Variants in PCDH9 observed in about 807,000 individuals in gnomAD.
PCDH9 encodes the protein protocadherin-9.
PCDH9 carries 24 observed loss-of-function variants against 70.6 expected under a neutral mutation model. That is an observed-to-expected ratio of 0.34 (90% CI 0.25 to 0.48). The LOEUF (loss-of-function observed/expected upper bound fraction) is 0.48, where lower values mean the gene tolerates loss of function less well. Ranked by LOEUF, PCDH9 falls within the 20% of genes least tolerant of loss-of-function variation. The pLI is 0.99. For synonymous variants in PCDH9, 562 were observed against 558.5 expected (o/e 1.01, Z -0.09); for missense variants, 1,281 against 1,503.6 (o/e 0.85, Z 2.45).
At chr13:66,638,355 T>C (rs2077666584) in intron 3 of PCDH9, among the ~76,000 whole-genome samples, 1 of 152,152 alleles carries the variant, frequency 6.6e-6, no homozygotes, top group African/African-American at 2.4e-5. Flanking sequence ...TTCACTGTAT[T>C]AATCAGTAGA....
intron 3 of PCDH9, among the ~76,000 whole-genome samples, chr13:66,670,357 A>G (rs2078156527): frequency 1.3e-5 from 2 of 152,180 alleles, no homozygotes; most frequent in Admixed American, 6.5e-5. Flanking sequence ...ACTAATATCA[A>G]TGAGATATCC....
intron 3 of PCDH9, among the ~76,000 whole-genome samples, chr13:66,684,174 C>G (rs182640369): frequency 3.9e-4 from 60 of 152,258 alleles, no homozygotes; most frequent in African/African-American, 1.3e-3. Flanking sequence ...AAATAAATGA[C>G]AGTTTAGTCT....
At chr13:67,133,957 A>G (rs754174462) in intron 2 of PCDH9, among the ~76,000 whole-genome samples, 1 of 152,144 alleles carries the variant, frequency 6.6e-6, no homozygotes, top group Admixed American at 6.6e-5. Flanking sequence ...TTAAAAACAT[A>G]GAACTGAAAG....
chr13:66,429,428 C>CTG (rs1555292583), intron 4 of PCDH9, among the ~76,000 whole-genome samples: 2 of 12,696 alleles, frequency 1.6e-4, no homozygotes, highest in Non-Finnish European at 4.8e-4. Flanking sequence ...GTTATTTTTT[C>CTG]TGTTTTTTTT....
intron 4 of PCDH9, among the ~76,000 whole-genome samples, chr13:66,344,232 T>C (rs1205590192): frequency 6.6e-6 from 1 of 152,104 alleles, no homozygotes; most frequent in Non-Finnish European, 1.5e-5. Flanking sequence ...AACCTCCGCC[T>C]CCCAGGTTCA....
In PCDH9 at chr13:66,943,259, C is replaced by T. The variant is rs913619674; in HGVS notation, c.3037-39654G>A. 5.3e-5 allele frequency among the ~76,000 whole-genome samples: 8 copies of T among 151,996 alleles called. No individual in the cohort carries two copies. In the East Asian group the frequency reaches 5.8e-4, roughly 11 times the overall value. ...TTTTCCCTCCTTTTCTAATAATTCA[C>T]TCTATCATTTTTCTATCTACCTTTC... On this transcript the variant is annotated intron_variant, in intron 2 of 4. Transcript: ENST00000377865.
At chr13:67,020,521 A>C (rs908630992) in intron 2 of PCDH9, among the ~76,000 whole-genome samples, 3 of 152,210 alleles carry the variant, frequency 2.0e-5, no homozygotes, top group African/African-American at 7.2e-5. Flanking sequence ...CAAAATGCAG[A>C]TATTACTTTA....
At chr13:67,145,703 CATTA>C (rs980939650) in intron 2 of PCDH9, among the ~76,000 whole-genome samples, 37 of 151,804 alleles carry the variant, frequency 2.4e-4, no homozygotes, top group Admixed American at 6.6e-5. Flanking sequence ...CTAAGAGAGG[CATTA>C]ATGCAAACCA....
At chr13:66,459,938 C>A (rs556197111) in intron 4 of PCDH9, among the ~76,000 whole-genome samples, 1 of 151,810 alleles carries the variant, frequency 6.6e-6, no homozygotes, top group Non-Finnish European at 1.5e-5. Context: ...CTAAGCCCCA[C>A]CCCCAGTTTA....
intron 2 of PCDH9, among the ~76,000 whole-genome samples, chr13:67,032,011 T>C (rs1410361171): frequency 1.3e-5 from 2 of 152,218 alleles, no homozygotes; most frequent in African/African-American, 4.8e-5. Context: ...GAGGAGGCAT[T>C]CTATGGAGAG....
chr13:67,093,260 G>A (rs1484600935), intron 2 of PCDH9, among the ~76,000 whole-genome samples: 1 of 152,104 alleles, frequency 6.6e-6, no homozygotes, highest in African/African-American at 2.4e-5. Flanking sequence ...TTCGAGACCA[G>A]CCTGGCCAAC....
intron 4 of PCDH9, among the ~76,000 whole-genome samples, chr13:66,355,053 C>T (rs1181104624): frequency 6.6e-6 from 1 of 152,096 alleles, no homozygotes; most frequent in Non-Finnish European, 1.5e-5. Flanking sequence ...ATGGATCACA[C>T]TGGAGTGACA....
intron 2 of PCDH9, among the ~76,000 whole-genome samples, chr13:66,961,100 C>T (rs985645263): frequency 9.2e-5 from 14 of 152,026 alleles, no homozygotes; most frequent in Admixed American, 7.2e-4. Flanking sequence ...AAAAAATTTA[C>T]CATGTCTATT....
intron 4 of PCDH9, among the ~76,000 whole-genome samples, chr13:66,555,660 T>C (rs1445829539): frequency 1.8e-5 from 2 of 109,058 alleles, no homozygotes; most frequent in African/African-American, 6.2e-5. Flanking sequence ...TTTTCATTTT[T>C]TAGCCTCTAT....
At chr13:66,475,484 C>T (rs767302839) in intron 4 of PCDH9, among the ~76,000 whole-genome samples, 2 of 152,104 alleles carry the variant, frequency 1.3e-5, no homozygotes, top group Non-Finnish European at 2.9e-5. Context: ...CTTACCCCTT[C>T]TGAGACCAAC....
intron 3 of PCDH9, among the ~76,000 whole-genome samples, chr13:66,873,739 A>C (rs1166558470): frequency 6.6e-6 from 1 of 152,038 alleles, no homozygotes; most frequent in African/African-American, 2.4e-5. Context: ...CCTGGTTGCC[A>C]CAGGAAATGG....
At chr13:67,025,034 A>G (rs750164428) in intron 2 of PCDH9, among the ~76,000 whole-genome samples, 33 of 152,116 alleles carry the variant, frequency 2.2e-4, no homozygotes, top group Non-Finnish European at 4.3e-4. Flanking sequence ...CTAAGAACCA[A>G]TTAGTCACAT....
intron 4 of PCDH9, among the ~76,000 whole-genome samples, chr13:66,344,422 G>A (rs763951130): frequency 7.2e-5 from 11 of 152,034 alleles, no homozygotes; most frequent in Admixed American, 1.3e-4. Flanking sequence ...TACCATGCCC[G>A]GCCAATAAAG....
At chr13:66,463,011 T>G (rs887972952) in intron 4 of PCDH9, among the ~76,000 whole-genome samples, 2 of 151,890 alleles carry the variant, frequency 1.3e-5, no homozygotes, top group Non-Finnish European at 2.9e-5. Flanking sequence ...AAATGCCATA[T>G]GCATTGCATG....
Sources: allele counts gnomAD v4.1 joint callset (sites outside exome capture counted in the v4.1 genomes callset), GRCh38; gene constraint gnomAD v4.1.1; transcripts MANE v1.5; gene names NCBI Gene and HGNC (gene_info 2026-07-23, HGNC 2026-07-21).